The following IMPG2 variants were observed in gnomAD, a reference collection of about 807,000 sequenced individuals.
IMPG2 encodes interphotoreceptor matrix proteoglycan 2.
Under a neutral mutation model 129.2 loss-of-function variants are expected in IMPG2, and 91 were observed. The observed-to-expected ratio is 0.70, with a 90% CI of 0.59 to 0.84. IMPG2 has a LOEUF of 0.84. Among genes scored for constraint, IMPG2 ranks in the 40% least tolerant of loss-of-function variants. The pLI is 0.00. For synonymous variants in IMPG2, 510 were observed against 517.7 expected (o/e 0.99, Z 0.20); for missense variants, 1,430 against 1,461.7 (o/e 0.98, Z 0.35).
intron 11 of IMPG2, among the ~76,000 whole-genome samples, chr3:101,251,672 A>C (rs755973820): frequency 6.6e-6 from 1 of 152,178 alleles, no homozygotes. Flanking sequence ...AAAAGTGTCA[A>C]ATTCAATTTC....
chr3:101,257,573 T>C lies in IMPG2; in HGVS notation c.1109A>G (p.Asn370Ser), dbSNP rs1365431035. The change falls in exon 10 of 19, where the codon AAC becomes AGC. Residue 370 changes from asparagine (N) to serine (S), a missense_variant. Coordinates refer to ENST00000193391, the MANE Select transcript of IMPG2 (RefSeq NM_016247.4). ...ATCAGGATCTGGATTCAAGGAAGAGTTCCCCAGCAAAAAATTCTGCTGCAA... is the reference window on the plus strand; with the variant it reads ...ATCAGGATCTGGATTCAAGGAAGAGCTCCCCAGCAAAAAATTCTGCTGCAA... ...ETLQQNFLLG[N>S]SSLNPDPDSL... 5.0e-6 allele frequency: 8 copies of C among 1,613,286 alleles called. No homozygotes were observed. Among genetic ancestry groups the C allele is most frequent in the South Asian group, 3.3e-5 (3 of 91,070 alleles).
intron 9 of IMPG2, among the ~76,000 whole-genome samples, chr3:101,265,955 C>T (rs1042005530): frequency 6.6e-6 from 1 of 152,062 alleles, no homozygotes; most frequent in African/African-American, 2.4e-5. Context: ...TTAAAATGCT[C>T]AACATTTTCA....
chr3:101,257,762 A>G lies in IMPG2; in HGVS notation c.920T>C (p.Val307Ala), dbSNP rs1706627423. The G allele has an allele frequency of 6.2e-7, 1 of 1,613,038 alleles. No individual in the cohort carries two copies. The highest frequency in any genetic ancestry group is 1.1e-5 in the South Asian group (1 of 91,068). ...ACCATTGAAGGTAACTGCATAGTAA[A>G]CATCTACGCCACTATGGATGGAAAG... ...SPKENDSGVDVYYAVTFNGEA... is the reference protein window; with the variant it reads ...SPKENDSGVDAYYAVTFNGEA... The change falls in exon 10 of 19, where the codon GTT becomes GCT. Residue 307 changes from valine to alanine, a missense_variant. By Grantham distance (64) the Val-to-Ala change is moderately conservative (BLOSUM62 0). Coordinates refer to ENST00000193391, the MANE Select transcript of IMPG2 (RefSeq NM_016247.4).
At chr3:101,267,450 T>C (rs1443688990) in intron 9 of IMPG2, 61 bp downstream of exon 9, 17 of 1,377,098 alleles carry the variant, frequency 1.2e-5, no homozygotes, top group Middle Eastern at 1.8e-4. Context: ...ACCTACGGCC[T>C]GCTATATTTA....
At chr3:101,314,174 T>C (rs1291956110) in intron 2 of IMPG2, among the ~76,000 whole-genome samples, 2 of 152,136 alleles carry the variant, frequency 1.3e-5, no homozygotes, top group Non-Finnish European at 2.9e-5. Context: ...ATTATTATTA[T>C]TCCCATTTCA....
chr3:101,229,225 G>A (rs1373929205), intron 17 of IMPG2, among the ~76,000 whole-genome samples, 155 bp downstream of exon 17: 3 of 151,396 alleles, frequency 2.0e-5, no homozygotes, highest in East Asian at 1.9e-4. Flanking sequence ...TAGGAGATAC[G>A]AGGTAAAAAC....
At chr3:101,301,049 T>C (rs1376059976) in intron 3 of IMPG2, among the ~76,000 whole-genome samples, 1 of 152,212 alleles carries the variant, frequency 6.6e-6, no homozygotes, top group Non-Finnish European at 1.5e-5. Flanking sequence ...ACTCAGGGAA[T>C]AGGGAGGCCT....
intron 8 of IMPG2, 33 bp downstream of exon 8, chr3:101,269,482 T>A: frequency 8.2e-7 from 1 of 1,223,014 alleles, no homozygotes; most frequent in Non-Finnish European, 1.2e-6. Flanking sequence ...AGAATACTAC[T>A]GAAAATGTGC....
At position 101,275,741 on chromosome 3, in the gene IMPG2, A is replaced by C. The variant is rs774989957; in HGVS notation, c.588T>G (p.Thr196=). The change falls in exon 6 of 19, where the codon ACT becomes ACG. Residue 196 remains threonine, a synonymous_variant. Coordinates refer to ENST00000193391, the MANE Select transcript of IMPG2 (RefSeq NM_016247.4). ...CCTCTGGATGTGGAACACTGAGAGT[A>C]GTGTCTAAGAAGAAAAGCAAAAACA... ...PVGDTSTLGD[T]TLSVPHPEVD... 1.2e-6 allele frequency: 2 copies of C among 1,613,202 alleles called. No homozygotes were observed. Among genetic ancestry groups the C allele is most frequent in the Non-Finnish European group, 1.7e-6 (2 of 1,179,178 alleles).
At position 101,229,457 on chromosome 3, in the gene IMPG2, C is replaced by T; in HGVS notation, c.3556G>A (p.Ala1186Thr). 1 of 1,613,264 alleles carries T rather than the reference C, an allele frequency of 6.2e-7. No homozygotes were observed. The highest frequency in any genetic ancestry group is 8.5e-7 in the Non-Finnish European group (1 of 1,180,010). Residue 1186 changes from alanine to threonine, a missense_variant, in exon 17 of 19, where the codon GCT becomes ACT. Ala to Thr is a moderately conservative substitution (Grantham distance 58, BLOSUM62 0). Transcript: ENST00000193391. ...AGCCCACCAATCACGTCTCCGCTAGCAGAGCTGTAGAAGGGATGCTGAGGA... is the reference window on the plus strand; with the variant it reads ...AGCCCACCAATCACGTCTCCGCTAGTAGAGCTGTAGAAGGGATGCTGAGGA... ...PYPQHPFYSSASGDVIGGLSR... is the reference protein window; with the variant it reads ...PYPQHPFYSSTSGDVIGGLSR...
At position 101,229,738 on chromosome 3, in the gene IMPG2, A is replaced by G. The variant is rs1706266577; in HGVS notation, c.3423-148T>C. ...ATAACTGTGAAAAACATCTAGATCAACCTCAAAAATTATTTGTCAGGTGTT... is the reference window on the plus strand; with the variant it reads ...ATAACTGTGAAAAACATCTAGATCAGCCTCAAAAATTATTTGTCAGGTGTT... On this transcript the variant is annotated intron_variant, in intron 16 of 18. Transcript: ENST00000193391. The G allele has an allele frequency of 5.4e-6, 4 of 744,802 alleles. No homozygotes were observed. The South Asian group carries it at 6.1e-5, about 11-fold the overall frequency. 46.1% of individuals were successfully genotyped at this position (744,802 alleles called of 1,614,324 possible). A position where few individuals can be genotyped will look rare whatever the true frequency, so the allele number is the denominator to read the frequency against.
intron 15 of IMPG2, 69 bp downstream of exon 15, chr3:101,232,712 G>C: frequency 7.6e-7 from 1 of 1,321,632 alleles, no homozygotes; most frequent in Non-Finnish European, 1.1e-6. Flanking sequence ...AAAATTATAG[G>C]TGCAGGCCCC....
At chr3:101,307,310 A>G (rs1379687457) in intron 2 of IMPG2, among the ~76,000 whole-genome samples, 1 of 152,226 alleles carries the variant, frequency 6.6e-6, no homozygotes, top group East Asian at 1.9e-4. Flanking sequence ...TTTGAAATAA[A>G]TGTTAATTGT....
chr3:101,292,703 T>C (rs528058218), intron 3 of IMPG2, among the ~76,000 whole-genome samples: 2 of 152,346 alleles, frequency 1.3e-5, no homozygotes, highest in Admixed American at 1.3e-4. Context: ...CCCTGTGATA[T>C]GTAATGCAGT....
At chr3:101,235,295 C>T (rs1052405098) in intron 14 of IMPG2, among the ~76,000 whole-genome samples, 1 of 152,226 alleles carries the variant, frequency 6.6e-6, no homozygotes, top group Non-Finnish European at 1.5e-5. Context: ...GACTGCAACC[C>T]ATCCCATGAG....
At chr3:101,249,291 T>C (rs1328089016) in intron 11 of IMPG2, among the ~76,000 whole-genome samples, 2 of 152,196 alleles carry the variant, frequency 1.3e-5, no homozygotes, top group Non-Finnish European at 1.5e-5. Context: ...ATTATGCAAA[T>C]GTGCCATCAT....
intron 15 of IMPG2, among the ~76,000 whole-genome samples, chr3:101,232,422 G>A (rs1045598712): frequency 6.6e-6 from 1 of 152,034 alleles, no homozygotes; most frequent in African/African-American, 2.4e-5. Context: ...ATTTTTAGTA[G>A]AGATGGGGTT....
At chr3:101,275,114 T>C (rs1706827307) in intron 6 of IMPG2, among the ~76,000 whole-genome samples, 1 of 152,072 alleles carries the variant, frequency 6.6e-6, no homozygotes, top group Non-Finnish European at 1.5e-5. Flanking sequence ...AAATTCAGTA[T>C]TTAAATATCT....
At position 101,224,808 on chromosome 3, in the gene IMPG2, T is replaced by C. The variant is rs1349129878; in HGVS notation, c.*2161A>G. Reference sequence around the variant, plus strand: ...CATTTCATTGGTGTGGAGCAGACATTCATGAAGAGCTAAGTGTTTTGCTCT... The same window carrying C: ...CATTTCATTGGTGTGGAGCAGACATCCATGAAGAGCTAAGTGTTTTGCTCT... On this transcript the variant is annotated 3_prime_UTR_variant, in exon 19 of 19. Coordinates refer to ENST00000193391, the MANE Select transcript of IMPG2 (RefSeq NM_016247.4). The C allele has an allele frequency of 6.6e-6, 1 of 152,244 alleles. No homozygotes were observed. Among genetic ancestry groups the C allele is most frequent in the Non-Finnish European group, 1.5e-5 (1 of 68,044 alleles). 9.4% of individuals were successfully genotyped at this position (152,244 alleles called of 1,614,324 possible). A position where few individuals can be genotyped will look rare whatever the true frequency, so the allele number is the denominator to read the frequency against.
Sources: allele counts gnomAD v4.1 joint callset (sites outside exome capture counted in the v4.1 genomes callset), GRCh38; gene constraint gnomAD v4.1.1; transcripts MANE v1.5; gene names NCBI Gene and HGNC (gene_info 2026-07-23, HGNC 2026-07-21).